The following SLC6A18 variants were observed in gnomAD, a reference collection of about 807,000 sequenced individuals.
SLC6A18 encodes inactive sodium-dependent neutral amino acid transporter B(0)AT3.
Under a neutral mutation model 62.9 loss-of-function variants are expected in SLC6A18, and 58 were observed. The ratio of observed to expected loss-of-function variants is 0.92; its 90% confidence interval spans 0.75 to 1.15. The LOEUF (loss-of-function observed/expected upper bound fraction) is 1.15, where lower values mean the gene tolerates loss of function less well. SLC6A18 is among the 50% of genes most tolerant of loss of function. The pLI is 0.00. For synonymous variants in SLC6A18, 382 were observed against 365.8 expected (o/e 1.04, Z -0.51); for missense variants, 793 against 836.6 (o/e 0.95, Z 0.64).
intron 1 of SLC6A18, 129 bp from the exon 2 acceptor site, chr5:1,232,089 AC>A: frequency 1.3e-6 from 1 of 799,204 alleles, no homozygotes; most frequent in Non-Finnish European, 2.0e-6. Flanking sequence ...TGTCTCCACC[AC>A]CCAAGTGGTG....
chr5:1,232,155 GC>G, intron 1 of SLC6A18, 63 bp from the exon 2 acceptor site: 1 of 1,502,680 alleles, frequency 6.7e-7, no homozygotes. Flanking sequence ...GCTCCCCCTG[GC>G]CCACGCCACA....
intron 1 of SLC6A18, among the ~76,000 whole-genome samples, chr5:1,229,057 G>A (rs1260741124): frequency 6.6e-6 from 1 of 152,218 alleles, no homozygotes; most frequent in Non-Finnish European, 1.5e-5. Flanking sequence ...CTGGACTTGG[G>A]TTGGCCAACA....
chr5:1,242,867 C>A lies in SLC6A18; in HGVS notation c.1131+4C>A, dbSNP rs1300975529. 1.9e-6 allele frequency: 3 copies of A among 1,603,516 alleles called. No individual in the cohort carries two copies. The highest frequency in any genetic ancestry group is 2.2e-5 in the East Asian group (1 of 44,708). On this transcript the variant is annotated splice_donor_region_variant and intron_variant, in intron 8 of 11. Transcript: ENST00000324642. ...CCTGGAAGACTTTCTGGATAAGGTA[C>A]CTGCACACCCCCTGGGGTAGCCAGG...
In SLC6A18 at chr5:1,225,495, A is replaced by G; in HGVS notation, c.18A>G (p.Glu6=). The G allele has an allele frequency of 6.2e-7, 1 of 1,612,740 alleles. No homozygotes were observed. The highest frequency in any genetic ancestry group is 8.5e-7 in the Non-Finnish European group (1 of 1,179,462). The change falls in exon 1 of 12, where the codon GAA becomes GAG. Residue 6 remains glutamate, a synonymous_variant. Transcript: ENST00000324642. ...CAGTCACCATGGCTCATGCCCCAGA[A>G]CCGGACCCGGCCGCCTGCGACCTCG... MAHAP[E]PDPAACDLGD...
At chr5:1,228,100 G>A (rs4975625) in intron 1 of SLC6A18, among the ~76,000 whole-genome samples, 59,729 of 151,858 alleles carry the variant, frequency 0.39, 11,925 homozygotes, top group Non-Finnish European at 0.43. Context: ...TAGTCTCGAC[G>A]CCTAGTAGTA....
At chr5:1,230,217 T>C (rs1234302341) in intron 1 of SLC6A18, among the ~76,000 whole-genome samples, 9 of 147,140 alleles carry the variant, frequency 6.1e-5, no homozygotes, top group Non-Finnish European at 1.5e-5. Context: ...AGAGGGGCTC[T>C]CACGGTACAG....
chr5:1,244,829 A>C, intron 11 of SLC6A18, 62 bp downstream of exon 11: 1 of 1,520,232 alleles, frequency 6.6e-7, no homozygotes, highest in Non-Finnish European at 8.9e-7. Flanking sequence ...TCTGGCCCCT[A>C]CGGTGCCATC....
chr5:1,242,920 C>T lies in SLC6A18; in HGVS notation c.1131+57C>T, dbSNP rs1359621569. The T allele has an allele frequency of 1.7e-5, 26 of 1,524,126 alleles. No individual in the cohort carries two copies. The African/African-American group carries it at 2.9e-4, about 17-fold the overall frequency. 94.4% of individuals were successfully genotyped at this position (1,524,126 alleles called of 1,614,324 possible). On this transcript the variant is annotated intron_variant, in intron 8 of 11. Transcript: ENST00000324642. The stretch of plus-strand genomic sequence containing the variant: ...GGGCCGTCCACAGGAGCACCAGGGC[C>T]GCACTGGCTGTGTCCCACTGCCAAA...
intron 1 of SLC6A18, among the ~76,000 whole-genome samples, chr5:1,229,361 G>T (rs1379322676): frequency 6.6e-6 from 1 of 151,736 alleles, no homozygotes; most frequent in Non-Finnish European, 1.5e-5. Context: ...AAATACAGCA[G>T]ATTCAGCTTC....
chr5:1,238,140 T>G (rs991532917), intron 5 of SLC6A18, 80 bp downstream of exon 5: 15 of 1,144,120 alleles, frequency 1.3e-5, no homozygotes, highest in East Asian at 7.2e-5. Flanking sequence ...CTCCCTCACC[T>G]GGGAGCGTGA....
rs1448974776 is a variant in SLC6A18 at position 1,241,960 on chromosome 5, G to A, written c.975-747G>A. Among the ~76,000 whole-genome samples, 1 of 152,174 alleles carries A rather than the reference G, an allele frequency of 6.6e-6. No homozygotes were observed. On this transcript the variant is annotated intron_variant, in intron 7 of 11. Transcript: ENST00000324642. This position sits in a 1 kb window ranked among gnomAD's most constrained non-coding sequence, Gnocchi z 7.8. ...GTCTCTCTCTTCAGGATTGTTCTAG[G>A]AATAGCTGGAGCCCCAAAAAGGTGT...
intron 7 of SLC6A18, among the ~76,000 whole-genome samples, chr5:1,242,110 C>T (rs1485363549): frequency 6.6e-6 from 1 of 152,172 alleles, no homozygotes; most frequent in Non-Finnish European, 1.5e-5. Context: ...TCCCAGCAAA[C>T]CTTCAGAAGC....
At chr5:1,232,986 C>G in intron 3 of SLC6A18, 98 bp downstream of exon 3, 1 of 1,499,022 alleles carries the variant, frequency 6.7e-7, no homozygotes, top group Non-Finnish European at 8.9e-7. Flanking sequence ...GTGGCGGATG[C>G]TCACCGCGGG....
chr5:1,242,666 G>A (rs1334930423), intron 7 of SLC6A18, 41 bp from the exon 8 acceptor site: 1 of 1,561,916 alleles, frequency 6.4e-7, no homozygotes, highest in Non-Finnish European at 8.7e-7. Context: ...ATGTGTTTGG[G>A]AACCAGGGCC....
At chr5:1,234,029 C>T (rs1746820016) in intron 3 of SLC6A18, among the ~76,000 whole-genome samples, 1 of 152,160 alleles carries the variant, frequency 6.6e-6, no homozygotes, top group Admixed American at 6.5e-5. Flanking sequence ...GCGTGAGCCA[C>T]CGCGCCCGGC....
intron 5 of SLC6A18, 141 bp downstream of exon 5, chr5:1,238,201 G>A (rs1746936353): frequency 5.7e-6 from 4 of 700,190 alleles, no homozygotes; most frequent in Non-Finnish European, 7.5e-6. Context: ...CAGGGGTGAG[G>A]TTGGCCCAGG....
At chr5:1,245,820 G>A (rs199585138) in intron 11 of SLC6A18, 28 bp from the exon 12 acceptor site, 4 of 1,585,212 alleles carry the variant, frequency 2.5e-6, no homozygotes, top group East Asian at 4.6e-5. Flanking sequence ...GGTGGCCGGC[G>A]CCAGCTAATG....
intron 1 of SLC6A18, among the ~76,000 whole-genome samples, chr5:1,230,513 C>T (rs897791313): frequency 3.9e-5 from 6 of 152,160 alleles, no homozygotes; most frequent in Non-Finnish European, 8.8e-5. Context: ...AAGAGCCGTC[C>T]GGCCCCCACA....
At position 1,245,952 on chromosome 5, in the gene SLC6A18, T is replaced by G. The variant is rs1425311537; in HGVS notation, c.1761T>G (p.Leu587=). 6.2e-7 allele frequency: 1 copy of G among 1,602,156 alleles called. No individual in the cohort carries two copies. Among genetic ancestry groups the G allele is most frequent in the East Asian group, 2.2e-5 (1 of 44,814 alleles). ...TGCTGTGGGTCCCGGTGGCCGCGCT[T>G]GCTCAGCTGCTCACCCGGCGGAGGC... ...LPVLWVPVAA[L]AQLLTRRRRT... The change falls in exon 12 of 12, where the codon CTT becomes CTG. Residue 587 remains leucine, a synonymous_variant. Transcript: ENST00000324642.
Sources: gnomAD v4.1 joint callset for allele counts (sites outside exome capture counted in the v4.1 genomes callset) on GRCh38, gnomAD v4.1.1 for gene constraint, Gnocchi (gnomAD v3.1) non-coding constraint, MANE v1.5 for transcripts, NCBI Gene and HGNC (gene_info 2026-07-23, HGNC 2026-07-21) for gene names.